SHANK2: variants seen among roughly 807,000 people sequenced by gnomAD.
SHANK2 encodes SH3 and multiple ankyrin repeat domains protein 2.
A neutral mutation model predicts 133.7 loss-of-function variants in SHANK2; 43 were observed. The observed-to-expected ratio is 0.32, with a 90% CI of 0.25 to 0.41. SHANK2 has a LOEUF of 0.41. Ranked by LOEUF, SHANK2 falls within the 10% of genes least tolerant of loss-of-function variation. The pLI, the probability that SHANK2 is intolerant of heterozygous loss-of-function variation, is 1.00. For synonymous variants in SHANK2, 1,017 were observed against 952.8 expected (o/e 1.07, Z -1.24); for missense variants, 1,994 against 2,235.8 (o/e 0.89, Z 2.18).
At chr11:71,103,087 C>G (rs978419768) in intron 6 of SHANK2, among the ~76,000 whole-genome samples, 4 of 152,224 alleles carry the variant, frequency 2.6e-5, no homozygotes, top group Non-Finnish European at 5.9e-5. Flanking sequence ...CCCCCAGGAG[C>G]CCATCACCTG....
intron 15 of SHANK2, among the ~76,000 whole-genome samples, chr11:70,697,353 A>T (rs1423788430): frequency 6.6e-6 from 1 of 152,240 alleles, no homozygotes; most frequent in Non-Finnish European, 1.5e-5. Flanking sequence ...CCATGTGGAT[A>T]GACTTTGAAA....
At chr11:70,707,396 A>AAAAAAG (rs1945686942) in intron 14 of SHANK2, among the ~76,000 whole-genome samples, 1 of 106,842 alleles carries the variant, frequency 9.4e-6, no homozygotes, top group Non-Finnish European at 2.1e-5. Flanking sequence ...AAAAAAAAAA[A>AAAAAAG]AGAGAGAGAG....
rs1460058874 is a variant in SHANK2, at chr11:70,535,153, C to T, written c.2062-32222G>A. ...CATGACCAGGGATGGTTCCCACGAA[C>T]ACCTTCCTCCCTCCCACCCTCTATT... is the stretch of plus-strand genomic sequence containing the variant. On this transcript the variant is annotated intron_variant, in intron 17 of 25. Coordinates refer to ENST00000601538, the MANE Select transcript of SHANK2 (RefSeq NM_012309.5). This position sits in a 1 kb window ranked among gnomAD's most constrained non-coding sequence, Gnocchi z 4.3. Among the ~76,000 whole-genome samples the T allele has an allele frequency of 6.6e-6, 1 of 152,172 alleles. No homozygotes were observed. The highest frequency in any genetic ancestry group is 6.5e-5 in the Admixed American group (1 of 15,282).
chr11:70,499,044 C>T (rs1027491398), intron 21 of SHANK2, among the ~76,000 whole-genome samples: 2 of 152,254 alleles, frequency 1.3e-5, no homozygotes, highest in Non-Finnish European at 2.9e-5. Flanking sequence ...TGGAGTGTGA[C>T]GAGTGCTTTT....
At chr11:71,120,165 TAAC>T (rs1555101201) in intron 3 of SHANK2, among the ~76,000 whole-genome samples, 1 of 152,142 alleles carries the variant, frequency 6.6e-6, no homozygotes, top group Non-Finnish European at 1.5e-5. Context: ...AGGACTGAAA[TAAC>T]AACAACTTGG....
chr11:70,495,936 G>C (rs1470491408), intron 21 of SHANK2: 2 of 155,232 alleles, frequency 1.3e-5, no homozygotes, highest in Non-Finnish European at 2.9e-5. Context: ...GGAGATGCAG[G>C]AAGGCCCATC....
chr11:70,702,283 TCAC>T (rs200870968), intron 14 of SHANK2, among the ~76,000 whole-genome samples: 128 of 148,356 alleles, frequency 8.6e-4, no homozygotes, highest in Non-Finnish European at 1.3e-3. Flanking sequence ...ATCATCATCA[TCAC>T]CACCATCTTC....
intron 15 of SHANK2, among the ~76,000 whole-genome samples, chr11:70,690,488 GTTTTTTTTTTTTT>G (rs35737323): frequency 1.5e-4 from 5 of 32,816 alleles, no homozygotes; most frequent in Admixed American, 6.0e-4. Flanking sequence ...TACTTCCCAT[GTTTTTTTTTTTTT>G]TTTTTTTTTT....
chr11:70,859,355 G>A lies in SHANK2; in HGVS notation c.1174+37146C>T, dbSNP rs138294057. On this transcript the variant is annotated intron_variant, in intron 11 of 25. Coordinates refer to ENST00000601538, the MANE Select transcript of SHANK2 (RefSeq NM_012309.5). ...ACTGATGAATGGATGGATGAATGGAGAAGTTGGTAGGCAAGCGAGTAGGTG... is the reference window on the plus strand; with the variant it reads ...ACTGATGAATGGATGGATGAATGGAAAAGTTGGTAGGCAAGCGAGTAGGTG... 1.1e-3 allele frequency among the ~76,000 whole-genome samples: 161 copies of A among 152,230 alleles called. 1 individual carries two copies. The highest frequency in any genetic ancestry group is 0.01 in the Middle Eastern group (3 of 294).
intron 2 of SHANK2, among the ~76,000 whole-genome samples, chr11:71,206,761 G>A (rs782602236): frequency 1.3e-5 from 2 of 152,044 alleles, no homozygotes; most frequent in Non-Finnish European, 1.5e-5. Context: ...ATAGCAAGAC[G>A]CGGCAACTAC....
intron 14 of SHANK2, among the ~76,000 whole-genome samples, chr11:70,704,259 TA>T (rs1180733257): frequency 6.6e-6 from 1 of 152,208 alleles, no homozygotes; most frequent in Non-Finnish European, 1.5e-5. Context: ...CTTGGTGGTA[TA>T]AAAAAACTTG....
At chr11:70,883,418 G>A (rs1267470239) in intron 11 of SHANK2, among the ~76,000 whole-genome samples, 1 of 152,142 alleles carries the variant, frequency 6.6e-6, no homozygotes, top group African/African-American at 2.4e-5. Flanking sequence ...GAAACCAACA[G>A]CCAAAAGTCC....
At chr11:71,190,591 G>A (rs372345683) in intron 2 of SHANK2, among the ~76,000 whole-genome samples, 205 of 152,362 alleles carry the variant, frequency 1.3e-3, no homozygotes, top group African/African-American at 4.4e-3. Context: ...ACCAAGGCAT[G>A]AGGCCTCTGC....
At chr11:70,543,214 A>G (rs1274125141) in intron 17 of SHANK2, among the ~76,000 whole-genome samples, 1 of 152,136 alleles carries the variant, frequency 6.6e-6, no homozygotes, top group Admixed American at 6.5e-5. Context: ...TGAAATGGGT[A>G]TTTGGTTTTC....
intron 17 of SHANK2, among the ~76,000 whole-genome samples, chr11:70,546,723 G>A (rs1383802609): frequency 6.6e-6 from 1 of 152,186 alleles, no homozygotes; most frequent in East Asian, 1.9e-4. Context: ...ATGCTGGGCT[G>A]CCCCAGTCCC....
intron 14 of SHANK2, among the ~76,000 whole-genome samples, chr11:70,782,724 G>A (rs149964997): frequency 4.9e-4 from 75 of 152,304 alleles, no homozygotes; most frequent in African/African-American, 1.5e-3. Flanking sequence ...CCAAACTGGC[G>A]CATGGCCAAA....
intron 17 of SHANK2, among the ~76,000 whole-genome samples, chr11:70,615,381 T>C (rs2060724604): frequency 6.6e-6 from 1 of 152,098 alleles, no homozygotes; most frequent in Admixed American, 6.5e-5. Context: ...GTGCTAGAAA[T>C]GCAACACCCC....
chr11:70,646,451 A>C (rs573978756), intron 17 of SHANK2, among the ~76,000 whole-genome samples: 1 of 152,250 alleles, frequency 6.6e-6, no homozygotes, highest in East Asian at 1.9e-4. Context: ...GCCATCCCTC[A>C]AGTTCCTCAG....
intron 14 of SHANK2, among the ~76,000 whole-genome samples, chr11:70,731,025 G>GT (rs1946279311): frequency 1.3e-5 from 2 of 152,030 alleles, no homozygotes; most frequent in African/African-American, 2.4e-5. Flanking sequence ...GGACTAACCT[G>GT]TGTGCCCGCA....
Sources: gnomAD v4.1 joint callset for allele counts (sites outside exome capture counted in the v4.1 genomes callset) on GRCh38, gnomAD v4.1.1 for gene constraint, Gnocchi (gnomAD v3.1) non-coding constraint, MANE v1.5 for transcripts, NCBI Gene and HGNC (gene_info 2026-07-23, HGNC 2026-07-21) for gene names.